The following CENPP variants were observed in gnomAD, a reference collection of about 807,000 sequenced individuals.
CENPP encodes centromere protein P.
In CENPP, 24 loss-of-function variants were observed where a neutral mutation model predicts 35.6. That is an observed-to-expected ratio of 0.67 (90% CI 0.49 to 0.95). CENPP has a LOEUF of 0.95. Ranked by LOEUF, CENPP falls within the 40% of genes least tolerant of loss-of-function variation. The pLI is 0.00. For missense variants in CENPP, 332 were observed against 345.3 expected (o/e 0.96, Z 0.31); for synonymous variants, 120 against 125.5 (o/e 0.96, Z 0.29).
rs777238045 is a variant in CENPP, at chr9:92,620,338, T to G, written c.*7189T>G. ...GAGTCGACATACGTAAAGCTGTACA[T>G]GTGCACATGTGTGTGACGCGGGCAG... On this transcript the variant is annotated 3_prime_UTR_variant, in exon 8 of 8. Coordinates refer to ENST00000375587, the MANE Select transcript of CENPP (RefSeq NM_001012267.3). 1 of 152,326 alleles carries G rather than the reference T, an allele frequency of 6.6e-6. No individual in the cohort carries two copies. The highest frequency in any genetic ancestry group is 1.5e-5 in the Non-Finnish European group (1 of 68,134). The allele number at this position is 152,326 out of a possible 1,614,324, so 9.4% of individuals were successfully genotyped here.
intron 1 of CENPP, among the ~76,000 whole-genome samples, chr9:92,327,291 A>G (rs1217928087): frequency 8.5e-5 from 13 of 152,224 alleles, no homozygotes; most frequent in Admixed American, 6.5e-4. Flanking sequence ...GCAAATTTAG[A>G]GAGACTATTT....
At chr9:92,586,115 G>A (rs369959121) in intron 5 of CENPP, among the ~76,000 whole-genome samples, 62 of 152,068 alleles carry the variant, frequency 4.1e-4, no homozygotes, top group African/African-American at 1.4e-3. Flanking sequence ...GCGCAATCTC[G>A]GCTCACTGCA....
chr9:92,453,625 C>G (rs1844782653), intron 5 of CENPP, among the ~76,000 whole-genome samples: 1 of 151,872 alleles, frequency 6.6e-6, no homozygotes, highest in Admixed American at 6.6e-5. Flanking sequence ...GACTTAGACT[C>G]CCACACAATA....
intron 5 of CENPP, among the ~76,000 whole-genome samples, chr9:92,452,044 AC>A (rs1241121270): frequency 2.0e-5 from 3 of 148,744 alleles, no homozygotes; most frequent in African/African-American, 7.4e-5. Flanking sequence ...TCATCTGCAA[AC>A]AGGGACAATT....
chr9:92,559,881 T>C (rs1030735550), intron 5 of CENPP, among the ~76,000 whole-genome samples: 2 of 152,198 alleles, frequency 1.3e-5, no homozygotes, highest in Admixed American at 1.3e-4. Context: ...GAAACCAGTC[T>C]GGGCCTGGTG....
At chr9:92,576,135 T>C (rs1355751141) in intron 5 of CENPP, among the ~76,000 whole-genome samples, 1 of 152,120 alleles carries the variant, frequency 6.6e-6, no homozygotes, top group Non-Finnish European at 1.5e-5. Context: ...GATAAACAAA[T>C]GCAGTCTGTC....
intron 5 of CENPP, among the ~76,000 whole-genome samples, chr9:92,391,193 G>A (rs1157099850): frequency 2.0e-5 from 3 of 150,772 alleles, no homozygotes; most frequent in Non-Finnish European, 2.9e-5. Flanking sequence ...TCAGGAGATC[G>A]AGACCATCCT....
At chr9:92,389,875 TC>T in intron 5 of CENPP, 1 of 1,611,496 alleles carries the variant, frequency 6.2e-7, no homozygotes, top group Non-Finnish European at 8.5e-7. Flanking sequence ...TTGCTTTGAT[TC>T]CCCTACTCTT....
chr9:92,573,180 T>C (rs971951513), intron 5 of CENPP, among the ~76,000 whole-genome samples: 1 of 152,220 alleles, frequency 6.6e-6, no homozygotes, highest in Non-Finnish European at 1.5e-5. Flanking sequence ...GGCGTTCTGA[T>C]TTTTAGAATT....
At chr9:92,563,013 T>G (rs188518218) in intron 5 of CENPP, among the ~76,000 whole-genome samples, 141 of 152,310 alleles carry the variant, frequency 9.3e-4, no homozygotes, top group African/African-American at 3.2e-3. Flanking sequence ...ATATTAGCTG[T>G]TTTTATTGTG....
In CENPP at chr9:92,613,430, G is replaced by A. The variant is rs1851333160; in HGVS notation, c.*281G>A. On this transcript the variant is annotated 3_prime_UTR_variant, in exon 8 of 8. Transcript: ENST00000375587. The stretch of plus-strand genomic sequence containing the variant: ...GTGGTTGTGTGTCCTCAGATGTGTG[G>A]GGAGGATCCATCCCCCACCCACTGC... The A allele has an allele frequency of 5.7e-6, 2 of 348,794 alleles. No individual in the cohort carries two copies. Among genetic ancestry groups the A allele is most frequent in the South Asian group, 2.7e-5 (1 of 37,318 alleles). 21.6% of individuals were successfully genotyped at this position (348,794 alleles called of 1,614,324 possible).
rs949007899 is a variant in CENPP, at chr9:92,415,886, CT to C, written c.564+36038del. Among the ~76,000 whole-genome samples the C allele has an allele frequency of 1.4e-3, 189 of 134,006 alleles. 2 individuals are homozygous for C. The highest frequency in any genetic ancestry group is 0.013 in the South Asian group (54 of 4,262). 87.9% of individuals were successfully genotyped at this position (134,006 alleles called of 152,430 possible). A position where few individuals can be genotyped will look rare whatever the true frequency, so the allele number is the denominator to read the frequency against. On this transcript the variant is annotated intron_variant, in intron 5 of 7. Coordinates refer to ENST00000375587, the MANE Select transcript of CENPP (RefSeq NM_001012267.3). The stretch of plus-strand genomic sequence containing the variant: ...AAAATTATATATTTCTTCTTTTTTT[CT>C]TTTTTTTTTTCCTGTTGCAAGGAGA...
intron 5 of CENPP, among the ~76,000 whole-genome samples, chr9:92,559,113 G>A (rs1849790992): frequency 1.3e-5 from 2 of 152,098 alleles, no homozygotes; most frequent in South Asian, 2.1e-4. Context: ...CACTGGATTC[G>A]CGCCCTCCCC....
chr9:92,375,299 C>T (rs907619647), intron 4 of CENPP, among the ~76,000 whole-genome samples: 8 of 146,992 alleles, frequency 5.4e-5, no homozygotes, highest in South Asian at 2.2e-4. Flanking sequence ...TTTACTGATT[C>T]TTTTTTTTTT....
intron 5 of CENPP, among the ~76,000 whole-genome samples, chr9:92,597,859 T>C (rs1005338873): frequency 3.9e-5 from 6 of 152,228 alleles, no homozygotes; most frequent in Non-Finnish European, 8.8e-5. Flanking sequence ...GTAATCTTAA[T>C]GGGAAGTCAG....
At chr9:92,561,287 C>T (rs538961213) in intron 5 of CENPP, among the ~76,000 whole-genome samples, 18 of 152,148 alleles carry the variant, frequency 1.2e-4, no homozygotes, top group Non-Finnish European at 2.1e-4. Flanking sequence ...CTGTTCCTCC[C>T]GCAATCCCCC....
intron 5 of CENPP, chr9:92,514,965 G>A (rs1277136852): frequency 6.2e-7 from 1 of 1,613,980 alleles, no homozygotes; most frequent in Non-Finnish European, 8.5e-7. Flanking sequence ...CCCCCTCACT[G>A]TAAAGTTGCC....
At chr9:92,514,847 C>T in intron 5 of CENPP, 3 of 1,612,494 alleles carry the variant, frequency 1.9e-6, no homozygotes, top group Non-Finnish European at 2.5e-6. Context: ...TCACCCTCCT[C>T]ACCCTCCTCC....
chr9:92,391,049 G>GA lies in CENPP; in HGVS notation c.564+11191dup, dbSNP rs1349411296. On this transcript the variant is annotated intron_variant, in intron 5 of 7. Coordinates refer to ENST00000375587, the MANE Select transcript of CENPP (RefSeq NM_001012267.3). ...GGAGGCCAAGGTGGGCAGATCACTT[G>GA]AGGTCAGGAGTTCGAGACCAGCCTG... Among the ~76,000 whole-genome samples, 6 of 151,978 alleles carry GA rather than the reference G, an allele frequency of 3.9e-5. No individual in the cohort carries two copies. In the East Asian group the frequency reaches 1.2e-3, roughly 29 times the overall value.
Sources: allele counts gnomAD v4.1 joint callset (sites outside exome capture counted in the v4.1 genomes callset), GRCh38; gene constraint gnomAD v4.1.1; transcripts MANE v1.5; gene names NCBI Gene and HGNC (gene_info 2026-07-23, HGNC 2026-07-21).